Variants in EPHA6 observed in about 807,000 individuals in gnomAD.
EPHA6 encodes ephrin type-A receptor 6.
In EPHA6, 50 loss-of-function variants were observed where a neutral mutation model predicts 112.0. The observed-to-expected ratio is 0.45, with a 90% CI of 0.36 to 0.56. The LOEUF (loss-of-function observed/expected upper bound fraction) is 0.56. Ranked by LOEUF, EPHA6 falls within the 20% of genes least tolerant of loss-of-function variation. The probability of loss-of-function intolerance (pLI) is 0.00; values close to 1 mark genes in which losing one functional copy is unlikely to be tolerated. For missense variants in EPHA6, 1,280 were observed against 1,417.4 expected, an observed-to-expected ratio of 0.90 and a Z score of 1.56; for synonymous variants, 529 against 490.7, an observed-to-expected ratio of 1.08 and a Z score of -1.03.
chr3:97,299,396 G>A (rs2081003302), intron 5 of EPHA6, among the ~76,000 whole-genome samples: 1 of 152,114 alleles, frequency 6.6e-6, no homozygotes, highest in Admixed American at 6.6e-5. Flanking sequence ...GACACCAGAT[G>A]CTCCAAGGAT....
chr3:96,901,530 A>G (rs530994584), intron 2 of EPHA6, among the ~76,000 whole-genome samples: 34 of 152,156 alleles, frequency 2.2e-4, no homozygotes, highest in Admixed American at 2.0e-3. Context: ...CCAGAAAGGG[A>G]CAGAATTATT....
intron 5 of EPHA6, among the ~76,000 whole-genome samples, chr3:97,296,651 A>AATCC (rs2108701494): frequency 6.6e-6 from 1 of 152,276 alleles, no homozygotes; most frequent in Non-Finnish European, 1.5e-5. Flanking sequence ...ATAGCAAACA[A>AATCC]ATCCAATCTT....
intron 5 of EPHA6, among the ~76,000 whole-genome samples, chr3:97,293,535 G>C (rs2080770765): frequency 6.6e-6 from 1 of 152,204 alleles, no homozygotes; most frequent in African/African-American, 2.4e-5. Flanking sequence ...ACCCAAAGTA[G>C]GTAGCTCCAT....
At position 97,753,179 on chromosome 3, in the gene EPHA6, C is replaced by G. The variant is rs899960441; in HGVS notation, c.*4478C>G. 1.3e-5 allele frequency among the ~76,000 whole-genome samples: 2 copies of G among 152,070 alleles called. No individual in the cohort carries two copies. Among genetic ancestry groups the G allele is most frequent in the Admixed American group, 6.6e-5 (1 of 15,254 alleles). On this transcript the variant is annotated 3_prime_UTR_variant, in exon 18 of 18. Transcript: ENST00000389672. ...TTATCTAGTTCAGCTTAACAAATAT[C>G]TATGGAATATCTCCTATATGCACAA...
intron 14 of EPHA6, among the ~76,000 whole-genome samples, chr3:97,663,693 C>G (rs2094185833): frequency 6.6e-6 from 1 of 152,070 alleles, no homozygotes; most frequent in Non-Finnish European, 1.5e-5. Flanking sequence ...CATAGTATTC[C>G]ATGGTGTATA....
chr3:97,666,062 A>C (rs2030067874), intron 14 of EPHA6, among the ~76,000 whole-genome samples: 1 of 152,012 alleles, frequency 6.6e-6, no homozygotes. Context: ...ATCTCAAAAA[A>C]AAAAAAAAAA....
At chr3:97,512,939 C>G (rs1438126529) in intron 10 of EPHA6, among the ~76,000 whole-genome samples, 2 of 152,120 alleles carry the variant, frequency 1.3e-5, no homozygotes, top group Non-Finnish European at 2.9e-5. Context: ...TTCTCCCATA[C>G]TGGGGTAAAT....
chr3:97,487,987 A>T (rs968659733), intron 10 of EPHA6, among the ~76,000 whole-genome samples: 7 of 152,186 alleles, frequency 4.6e-5, no homozygotes, highest in Admixed American at 2.0e-4. Context: ...TCATGGTCTG[A>T]AAAAGTCATT....
chr3:97,169,466 C>T (rs1261553789), intron 3 of EPHA6, among the ~76,000 whole-genome samples: 1 of 152,036 alleles, frequency 6.6e-6, no homozygotes, highest in African/African-American at 2.4e-5. Context: ...CTTCTCCCTT[C>T]CTGATAATCT....
intron 2 of EPHA6, among the ~76,000 whole-genome samples, chr3:96,922,093 C>G (rs1037455484): frequency 2.6e-5 from 4 of 151,780 alleles, no homozygotes; most frequent in African/African-American, 4.8e-5. Flanking sequence ...TTAAGAAAAG[C>G]CTTTTAAGAA....
At chr3:97,269,489 A>C (rs139123169) in intron 5 of EPHA6, among the ~76,000 whole-genome samples, 7 of 152,174 alleles carry the variant, frequency 4.6e-5, no homozygotes, top group Non-Finnish European at 1.5e-5. Flanking sequence ...GACCCTGAAC[A>C]GCTTCATTTC....
intron 12 of EPHA6, among the ~76,000 whole-genome samples, chr3:97,601,914 G>A (rs888108073): frequency 1.3e-5 from 2 of 151,990 alleles, no homozygotes; most frequent in Non-Finnish European, 2.9e-5. Flanking sequence ...AAAGCCGAAA[G>A]CAAAATATTT....
rs139405410 is a variant in EPHA6, at chr3:97,500,231, A to G, written c.2200+16172A>G. ...ACTGGAAGGTCTTTTGGGATGTGGT[A>G]TGTGTAAGTTCATTCTGACATTCCT... is the stretch of plus-strand genomic sequence containing the variant. On this transcript the variant is annotated intron_variant, in intron 10 of 17. Transcript: ENST00000389672. Among the ~76,000 whole-genome samples, 55 of 152,220 alleles carry G rather than the reference A, an allele frequency of 3.6e-4. No individual in the cohort carries two copies. In the East Asian group the frequency reaches 7.5e-3, roughly 21 times the overall value.
intron 2 of EPHA6, among the ~76,000 whole-genome samples, chr3:96,868,159 CGTGTGTGTGTGTGT>C (rs753000378): frequency 7.0e-6 from 1 of 142,166 alleles, no homozygotes; most frequent in Non-Finnish European, 1.5e-5. Context: ...TGTGTGTGTG[CGTGTGTGTGTGTGT>C]GTGAGAGAGA....
intron 5 of EPHA6, among the ~76,000 whole-genome samples, chr3:97,334,907 A>G (rs145677274): frequency 3.2e-4 from 48 of 152,080 alleles, no homozygotes; most frequent in African/African-American, 1.0e-3. Flanking sequence ...TACAGAATGT[A>G]CTCTATATGA....
intron 11 of EPHA6, among the ~76,000 whole-genome samples, chr3:97,587,911 A>T (rs892920746): frequency 1.3e-5 from 2 of 152,118 alleles, no homozygotes; most frequent in African/African-American, 4.8e-5. Flanking sequence ...CCTTGAAGTA[A>T]ATTATTTACT....
intron 13 of EPHA6, among the ~76,000 whole-genome samples, chr3:97,617,617 A>C (rs1269384098): frequency 6.6e-6 from 1 of 152,078 alleles, no homozygotes; most frequent in Non-Finnish European, 1.5e-5. Context: ...AACAGAAAAA[A>C]CCAGGGTTGC....
In EPHA6 at chr3:97,473,899, A is replaced by G. The variant is rs184473022; in HGVS notation, c.1895-1453A>G. ...ACTTAACATTGTAGTACATTGCTTG[A>G]AAATGTCTTGATTAAATCATAGTGA... On this transcript the variant is annotated intron_variant, in intron 7 of 17. Transcript: ENST00000389672. 1.6e-3 allele frequency among the ~76,000 whole-genome samples: 237 copies of G among 151,986 alleles called. 1 individual carries two copies. The highest frequency in any genetic ancestry group is 5.0e-3 in the African/African-American group (208 of 41,542).
At chr3:97,210,803 G>A (rs2077850712) in intron 3 of EPHA6, among the ~76,000 whole-genome samples, 1 of 152,144 alleles carries the variant, frequency 6.6e-6, no homozygotes, top group African/African-American at 2.4e-5. Flanking sequence ...GCCAGGATTG[G>A]CAAGGGCAGC....
Sources: gnomAD v4.1 joint callset for allele counts (sites outside exome capture counted in the v4.1 genomes callset) on GRCh38, gnomAD v4.1.1 for gene constraint, MANE v1.5 for transcripts, NCBI Gene and HGNC (gene_info 2026-07-23, HGNC 2026-07-21) for gene names.